CDC73: variants seen among roughly 807,000 people sequenced by gnomAD.
CDC73 encodes parafibromin.
In CDC73, 21 loss-of-function variants were observed where a neutral mutation model predicts 83.7. The ratio of observed to expected loss-of-function variants is 0.25; its 90% CI spans 0.18 to 0.36. The LOEUF (loss-of-function observed/expected upper bound fraction) is 0.36. Ranked by LOEUF, CDC73 falls within the 10% of genes least tolerant of loss-of-function variation. The pLI is 1.00. For synonymous variants in CDC73, 224 were observed against 212.9 expected (o/e 1.05, Z -0.45); for missense variants, 342 against 653.3 (o/e 0.52, Z 5.19).
At chr1:193,149,852 A>G (rs1397858212) in intron 8 of CDC73, among the ~76,000 whole-genome samples, 1 of 152,202 alleles carries the variant, frequency 6.6e-6, no homozygotes, top group African/African-American at 2.4e-5. Context: ...ATTTAAAAAA[A>G]ATACGTCTTC....
At chr1:193,202,798 C>T (rs759225147) in intron 10 of CDC73, among the ~76,000 whole-genome samples, 97 of 151,878 alleles carry the variant, frequency 6.4e-4, no homozygotes, top group South Asian at 1.2e-3. Flanking sequence ...TTTAAAAATG[C>T]CATGGGATAG....
At chr1:193,165,257 C>G (rs562101766) in intron 10 of CDC73, among the ~76,000 whole-genome samples, 1 of 152,256 alleles carries the variant, frequency 6.6e-6, no homozygotes, top group South Asian at 2.1e-4. Context: ...ACCTCACCCT[C>G]CCAATTAGTA....
chr1:193,212,179 C>T (rs1677291049), intron 12 of CDC73, 79 bp downstream of exon 12: 3 of 1,161,114 alleles, frequency 2.6e-6, no homozygotes, highest in Non-Finnish European at 3.8e-6. Context: ...TTTTCTTGTG[C>T]AGCTGTATCA....
rs2103117767 is a variant in CDC73 at position 193,130,174 on chromosome 1, A to G, written c.238A>G (p.Thr80Ala). The G allele has an allele frequency of 4.5e-6, 7 of 1,564,330 alleles. No individual in the cohort carries two copies. Among genetic ancestry groups the G allele is most frequent in the Non-Finnish European group, 6.2e-6 (7 of 1,135,228 alleles). ...SHPVYVRRAA[T>A]ENIPVVRRPD... The stretch of plus-strand genomic sequence containing the variant: ...ATCTCATTTAAAATTTTGGTTTTAG[A>G]CTGAAAATATTCCTGTGGTTAGAAG... Residue 80 changes from threonine to alanine, a missense_variant and splice_region_variant, in exon 3 of 17, where the codon ACT (threonine) becomes GCT (alanine). Around this residue, in one of 3 missense-constraint regions of CDC73, gnomAD observed 99 missense variants for 174.5 expected, o/e 0.57. Coordinates refer to ENST00000367435, the MANE Select transcript of CDC73 (RefSeq NM_024529.5).
intron 10 of CDC73, among the ~76,000 whole-genome samples, chr1:193,199,648 T>C (rs1572193467): frequency 2.0e-5 from 3 of 149,506 alleles, no homozygotes; most frequent in African/African-American, 7.4e-5. Flanking sequence ...GAGGCAGAGG[T>C]TGCAGTGAGC....
chr1:193,127,415 A>G (rs576269336), intron 2 of CDC73, among the ~76,000 whole-genome samples: 3 of 152,200 alleles, frequency 2.0e-5, no homozygotes, highest in Admixed American at 1.3e-4. Context: ...TTTATGTTAC[A>G]TATTTAAAAA....
chr1:193,249,839 A>C lies in CDC73; in HGVS notation c.1527A>C (p.Pro509=), dbSNP rs765271361. The part of the protein sequence containing the change: ...LSYHKRHLDR[P]VFLRFWETLD... The stretch of plus-strand genomic sequence containing the variant: ...ATCACAAACGTCATTTGGATAGACC[A>C]GTGTTCTTACGGTTTTGGGAAACAT... The change falls in exon 16 of 17, where the codon CCA becomes CCC. Residue 509 remains proline, a synonymous_variant. Transcript: ENST00000367435. The C allele has an allele frequency of 6.2e-7, 1 of 1,612,514 alleles. No individual in the cohort carries two copies. Among genetic ancestry groups the C allele is most frequent in the South Asian group, 1.1e-5 (1 of 91,052 alleles).
At chr1:193,182,354 T>C (rs1218936384) in intron 10 of CDC73, among the ~76,000 whole-genome samples, 1 of 152,182 alleles carries the variant, frequency 6.6e-6, no homozygotes, top group African/African-American at 2.4e-5. Flanking sequence ...TTTGTAAATA[T>C]GAAGTATTCA....
Position 193,226,453 on chromosome 1 carries a change from G to T in CDC73, c.1155-6540G>T, listed in dbSNP as rs531197769. 3.5e-4 allele frequency among the ~76,000 whole-genome samples: 53 copies of T among 152,292 alleles called. No homozygotes were observed. In the South Asian group the frequency reaches 9.8e-3, roughly 28 times the overall value. On this transcript the variant is annotated intron_variant, in intron 13 of 16. Transcript: ENST00000367435. ...CCATTCAGAACTACGTTAGCTGTGGGTTTGTCATAGATGACTTTTATTGCA... is the reference window on the plus strand; with the variant it reads ...CCATTCAGAACTACGTTAGCTGTGGTTTTGTCATAGATGACTTTTATTGCA...
intron 13 of CDC73, among the ~76,000 whole-genome samples, chr1:193,213,842 T>C (rs1677317456): frequency 6.6e-6 from 1 of 152,170 alleles, no homozygotes; most frequent in Admixed American, 6.5e-5. Flanking sequence ...TCTCAAGCCT[T>C]GAGTTGATTT....
At chr1:193,124,689 G>C (rs1675532329) in intron 1 of CDC73, among the ~76,000 whole-genome samples, 2 of 152,198 alleles carry the variant, frequency 1.3e-5, no homozygotes, top group African/African-American at 2.4e-5. Context: ...GAAGGATGTT[G>C]TTCAGCAGTA....
At chr1:193,241,641 G>C (rs1425749980) in intron 15 of CDC73, among the ~76,000 whole-genome samples, 1 of 152,186 alleles carries the variant, frequency 6.6e-6, no homozygotes, top group African/African-American at 2.4e-5. Flanking sequence ...GCCCACAGGG[G>C]GTGTGTGCGG....
chr1:193,162,610 C>G (rs1454766727), intron 10 of CDC73, among the ~76,000 whole-genome samples: 1 of 151,964 alleles, frequency 6.6e-6, no homozygotes, highest in Non-Finnish European at 1.5e-5. Context: ...CTCAAGTAAT[C>G]TGCCCACCTC....
intron 6 of CDC73, among the ~76,000 whole-genome samples, chr1:193,141,509 G>A (rs186973723): frequency 1.3e-5 from 2 of 152,168 alleles, no homozygotes. Context: ...AGTGGCATCT[G>A]TGTGTGTGTT....
chr1:193,191,655 G>A (rs1303361830), intron 10 of CDC73, among the ~76,000 whole-genome samples: 2 of 152,070 alleles, frequency 1.3e-5, no homozygotes. Flanking sequence ...CAAAGTGCGG[G>A]GGATTATAGG....
At position 193,254,632 on chromosome 1, in the gene CDC73, A is replaced by G. The variant is rs1012176044; in HGVS notation, c.*3920A>G. Among the ~76,000 whole-genome samples, 6 of 152,198 alleles carry G rather than the reference A, an allele frequency of 3.9e-5. No homozygotes were observed. Among genetic ancestry groups the G allele is most frequent in the African/African-American group, 1.4e-4 (6 of 41,450 alleles). On this transcript the variant is annotated 3_prime_UTR_variant, in exon 17 of 17. Transcript: ENST00000367435. Reference sequence around the variant, plus strand: ...GATGTATAAAGATTTATATTTAGTTAGTATATAATAGATAATACTTGCAGG... The same window carrying G: ...GATGTATAAAGATTTATATTTAGTTGGTATATAATAGATAATACTTGCAGG...
intron 10 of CDC73, chr1:193,181,389 G>A (rs369418702): frequency 1.9e-6 from 3 of 1,613,852 alleles, no homozygotes; most frequent in African/African-American, 1.3e-5. Flanking sequence ...ATGTCACAGG[G>A]TTTTCTTTGA....
intron 12 of CDC73, 23 bp from the exon 13 acceptor site, chr1:193,212,367 A>G (rs750567180): frequency 1.5e-6 from 2 of 1,351,660 alleles, no homozygotes; most frequent in Admixed American, 3.7e-5. Context: ...TATATTTTCT[A>G]CCTGTAAATT....
At chr1:193,131,197 C>G (rs185457077) in intron 3 of CDC73, among the ~76,000 whole-genome samples, 1 of 152,296 alleles carries the variant, frequency 6.6e-6, no homozygotes, top group East Asian at 1.9e-4. Context: ...CTGATTCCCT[C>G]TTTCCCTTCT....
Sources: gnomAD v4.1 joint callset for allele counts (sites outside exome capture counted in the v4.1 genomes callset) on GRCh38, gnomAD v4.1.1 for gene constraint, gnomAD v4.1.1 regional missense constraint, MANE v1.5 for transcripts, NCBI Gene and HGNC (gene_info 2026-07-23, HGNC 2026-07-21) for gene names.